The following ASPRV1 variants were observed in gnomAD, a reference collection of about 807,000 sequenced individuals.
ASPRV1 encodes the protein retroviral-like aspartic protease 1.
Under a neutral mutation model 11.0 loss-of-function variants are expected in ASPRV1, and 7 were observed. The observed-to-expected ratio is 0.64, with a 90% CI of 0.36 to 1.20. The LOEUF is 1.20. Ranked by LOEUF, ASPRV1 falls within the 50% of genes most tolerant of loss-of-function variation. The pLI is 0.02. For missense variants in ASPRV1, 299 were observed against 320.0 expected (o/e 0.93, Z 0.50); for synonymous variants, 136 against 138.4 (o/e 0.98, Z 0.12).
At chr2:70,051,180 G>C in the ASPRV1 span, 2 of 152,064 alleles carry the variant, frequency 1.3e-5, no homozygotes, top group East Asian at 3.8e-4. Context: ...GAAACTGAGG[G>C]ACAAAGAAGG....
At chr2:70,050,456 G>A in the ASPRV1 span, 1 of 152,118 alleles carries the variant, frequency 6.6e-6, no homozygotes, top group African/African-American at 2.4e-5. Flanking sequence ...GGGGAAGCAC[G>A]CTTTTTTCTA....
chr2:69,959,365 C>A (rs1474964542), downstream of ASPRV1, among the ~76,000 whole-genome samples: 1 of 152,194 alleles, frequency 6.6e-6, no homozygotes, highest in Non-Finnish European at 1.5e-5. Context: ...TTGGAACAAA[C>A]TGGCTCTTCT....
the ASPRV1 span, among the ~76,000 whole-genome samples, chr2:69,934,208 T>C: frequency 1.8e-4 from 28 of 152,172 alleles, no homozygotes; most frequent in African/African-American, 6.8e-4. Context: ...TCCCAGTGAA[T>C]AATATAAACA....
chr2:69,955,973 A>G (rs1677928264), downstream of ASPRV1, among the ~76,000 whole-genome samples: 1 of 152,066 alleles, frequency 6.6e-6, no homozygotes, highest in African/African-American at 2.4e-5. Context: ...GTTTCTGAAT[A>G]TCAGACCCCA....
At chr2:69,952,641 T>C in the ASPRV1 span, among the ~76,000 whole-genome samples, 1 of 152,004 alleles carries the variant, frequency 6.6e-6, no homozygotes, top group East Asian at 1.9e-4. Flanking sequence ...GAAAAGAGAT[T>C]GCCACATAAG....
chr2:70,085,327 T>C, the ASPRV1 span, among the ~76,000 whole-genome samples: 3 of 152,056 alleles, frequency 2.0e-5, no homozygotes, highest in East Asian at 5.8e-4. Flanking sequence ...CTCCCTATCC[T>C]CACCAGACAC....
chr2:69,974,117 C>G, the ASPRV1 span, among the ~76,000 whole-genome samples: 1 of 152,196 alleles, frequency 6.6e-6, no homozygotes, highest in Admixed American at 6.5e-5. Context: ...GCGGGCAGAT[C>G]ACCTGACGTC....
chr2:69,981,991 C>T, the ASPRV1 span, among the ~76,000 whole-genome samples: 3 of 152,098 alleles, frequency 2.0e-5, no homozygotes, highest in Non-Finnish European at 4.4e-5. Context: ...ATCCTAACTG[C>T]AAATCTCTCC....
chr2:70,010,475 G>A, the ASPRV1 span, among the ~76,000 whole-genome samples: 1 of 152,094 alleles, frequency 6.6e-6, no homozygotes, highest in South Asian at 2.1e-4. Flanking sequence ...AGCAGCGTTG[G>A]GGGGAACTGA....
chr2:70,021,411 C>T, the ASPRV1 span, among the ~76,000 whole-genome samples: 5 of 151,614 alleles, frequency 3.3e-5, no homozygotes, highest in South Asian at 2.1e-4. Context: ...CTCCACCTTC[C>T]GGGTTCACGA....
At chr2:70,025,835 A>C in the ASPRV1 span, among the ~76,000 whole-genome samples, 6 of 152,242 alleles carry the variant, frequency 3.9e-5, no homozygotes, top group African/African-American at 1.4e-4. Context: ...ACACTTGACC[A>C]GGCATGTCCA....
the ASPRV1 span, among the ~76,000 whole-genome samples, chr2:69,989,670 C>T: frequency 7.2e-5 from 11 of 152,254 alleles, no homozygotes; most frequent in Middle Eastern, 3.2e-3. Flanking sequence ...TGCTGAAATG[C>T]TTCTGAGCCA....
At chr2:70,073,429 G>A in the ASPRV1 span, 13 of 152,124 alleles carry the variant, frequency 8.5e-5, 1 homozygote, top group South Asian at 2.7e-3. Flanking sequence ...GAGTAAATCT[G>A]GACAAATTAC....
the ASPRV1 span, chr2:70,077,252 T>C: frequency 6.6e-6 from 1 of 152,200 alleles, no homozygotes; most frequent in East Asian, 1.9e-4. Flanking sequence ...CAAAGATTAC[T>C]ACCTCCTAAG....
At chr2:70,016,023 A>G in the ASPRV1 span, 1 of 152,234 alleles carries the variant, frequency 6.6e-6, no homozygotes, top group African/African-American at 2.4e-5. Context: ...CAGAAAATCA[A>G]AAAGGAAACA....
downstream of ASPRV1, among the ~76,000 whole-genome samples, chr2:69,956,301 G>A (rs1677933748): frequency 1.3e-5 from 2 of 151,984 alleles, no homozygotes; most frequent in Admixed American, 1.3e-4. Flanking sequence ...CAGCTAATAG[G>A]TATAGAAGGA....
the ASPRV1 span, chr2:70,070,420 T>C: frequency 1.3e-5 from 2 of 152,130 alleles, no homozygotes; most frequent in African/African-American, 2.4e-5. Flanking sequence ...ATATCATTCA[T>C]ACACGAAGGT....
At chr2:69,965,188 C>T (rs113652007), upstream of ASPRV1, among the ~76,000 whole-genome samples, 1,280 of 152,292 alleles carry the variant, frequency 8.4e-3, 19 homozygotes, top group African/African-American at 0.03. Context: ...GCTGGGATTA[C>T]ACCACCACAC....
At chr2:70,052,856 A>G in the ASPRV1 span, among the ~76,000 whole-genome samples, 1 of 152,150 alleles carries the variant, frequency 6.6e-6, no homozygotes, top group African/African-American at 2.4e-5. Flanking sequence ...CATCCCCTAC[A>G]AAACCCAAGA....
Sources: gnomAD v4.1 joint callset for allele counts (sites outside exome capture counted in the v4.1 genomes callset) on GRCh38, gnomAD v4.1.1 for gene constraint, MANE v1.5 for transcripts, NCBI Gene and HGNC (gene_info 2026-07-23, HGNC 2026-07-21) for gene names.